The following ANKS3 variants were observed in gnomAD, a reference collection of about 807,000 sequenced individuals.
The protein encoded by ANKS3 is ankyrin repeat and SAM domain-containing protein 3.
A neutral mutation model predicts 80.7 loss-of-function variants in ANKS3; 62 were observed. The ratio of observed to expected loss-of-function variants is 0.77; its 90% CI spans 0.63 to 0.95. ANKS3 has a LOEUF of 0.95. Among genes scored for constraint, ANKS3 ranks in the 40% least tolerant of loss-of-function variants. The pLI is 0.00. For synonymous variants in ANKS3, 489 were observed against 355.3 expected, an observed-to-expected ratio of 1.38 and a Z score of -4.23; for missense variants, 1,150 against 883.6, an observed-to-expected ratio of 1.30 and a Z score of -3.82.
In ANKS3 at chr16:4,720,916, T is replaced by A. The variant is rs859330; in HGVS notation, c.573+3834A>T. ...TGCGCCACTGCACTCCAGCCAGGGC[T>A]ACAGAGCGAGACTCCATCTCAAAAC... is the stretch of plus-strand genomic sequence containing the variant. On this transcript the variant is annotated intron_variant, in intron 6 of 17. Coordinates refer to ENST00000304283, the MANE Select transcript of ANKS3 (RefSeq NM_133450.4). Among the ~76,000 whole-genome samples, 125 of 148,634 alleles carry A rather than the reference T, an allele frequency of 8.4e-4. 4 individuals are homozygous for A. The highest frequency in any genetic ancestry group is 1.5e-3 in the Non-Finnish European group (98 of 66,940).
At chr16:4,714,020 C>T (rs2080639374) in intron 7 of ANKS3, 31 bp downstream of exon 7, 1 of 1,610,990 alleles carries the variant, frequency 6.2e-7, no homozygotes, top group East Asian at 2.2e-5. Flanking sequence ...ACCAGAGACC[C>T]CAGCAGGGCG....
intron 5 of ANKS3, among the ~76,000 whole-genome samples, chr16:4,726,008 C>G (rs1305969885): frequency 7.1e-6 from 1 of 141,024 alleles, no homozygotes; most frequent in East Asian, 2.1e-4. Flanking sequence ...TGGAGTCTTG[C>G]TCTGTCACCC....
intron 6 of ANKS3, among the ~76,000 whole-genome samples, chr16:4,715,405 G>A (rs995674289): frequency 2.6e-5 from 4 of 152,214 alleles, no homozygotes; most frequent in African/African-American, 7.2e-5. Context: ...GCTCAGAGGA[G>A]GAGGCGGGAC....
rs188341379 is a variant in ANKS3 at position 4,712,303 on chromosome 16, G to A, written c.709+1748C>T. Among the ~76,000 whole-genome samples, 121 of 152,070 alleles carry A rather than the reference G, an allele frequency of 8.0e-4. 4 individuals carry two copies. In the East Asian group the frequency reaches 0.012, roughly 15 times the overall value. Reference sequence around the variant, plus strand: ...GAAGAATTGCTTGAACTCAGGAGGCGGAGGTTGCGGAGGTTGCAGTGAGCT... The same window carrying A: ...GAAGAATTGCTTGAACTCAGGAGGCAGAGGTTGCGGAGGTTGCAGTGAGCT... On this transcript the variant is annotated intron_variant, in intron 7 of 17. Transcript: ENST00000304283.
chr16:4,725,767 C>T (rs1596449585), intron 5 of ANKS3, among the ~76,000 whole-genome samples: 1 of 152,178 alleles, frequency 6.6e-6, no homozygotes, highest in East Asian at 1.9e-4. Flanking sequence ...TCAAGTGATT[C>T]TCCCGCCTCA....
intron 14 of ANKS3, 162 bp from the exon 15 acceptor site, chr16:4,698,224 G>A: frequency 4.5e-6 from 5 of 1,113,078 alleles, no homozygotes; most frequent in South Asian, 1.6e-5. Flanking sequence ...GAGCAGGAGG[G>A]CGACCGGTGC....
intron 13 of ANKS3, 22 bp from the exon 14 acceptor site, chr16:4,698,621 GGGGAGGCT>G (rs1567295001): frequency 1.9e-6 from 3 of 1,539,242 alleles, no homozygotes; most frequent in Non-Finnish European, 2.6e-6. Flanking sequence ...TGGGGGGCGC[GGGGAGGCT>G]GGGAGGTGGC....
chr16:4,703,467 C>A (rs962955199), intron 8 of ANKS3, among the ~76,000 whole-genome samples: 1 of 142,560 alleles, frequency 7.0e-6, no homozygotes, highest in Non-Finnish European at 1.5e-5. Flanking sequence ...TGTCACCAGA[C>A]TGGAGTGCAG....
chr16:4,703,302 T>C (rs1460591700), intron 8 of ANKS3, among the ~76,000 whole-genome samples: 2 of 152,136 alleles, frequency 1.3e-5, no homozygotes, highest in Non-Finnish European at 2.9e-5. Flanking sequence ...TTTGTAGAGA[T>C]AGGGTCTTGC....
chr16:4,723,124 C>A (rs1453913614), intron 6 of ANKS3, among the ~76,000 whole-genome samples: 1 of 152,106 alleles, frequency 6.6e-6, no homozygotes, highest in East Asian at 1.9e-4. Context: ...TTCATCAGGA[C>A]CGCCTGCACT....
intron 3 of ANKS3, 102 bp downstream of exon 3, chr16:4,729,878 C>G (rs906813099): frequency 1.9e-5 from 22 of 1,172,312 alleles, no homozygotes; most frequent in Non-Finnish European, 2.5e-5. Flanking sequence ...CTATTCTACA[C>G]GCATTAAACA....
intron 7 of ANKS3, among the ~76,000 whole-genome samples, chr16:4,709,122 T>C (rs1000112282): frequency 1.3e-5 from 2 of 150,722 alleles, no homozygotes; most frequent in Non-Finnish European, 3.0e-5. Context: ...TAGAAGAAAT[T>C]TTTGCCGGGT....
At chr16:4,732,205 A>G (rs974761726) in intron 1 of ANKS3, among the ~76,000 whole-genome samples, 14 of 152,164 alleles carry the variant, frequency 9.2e-5, no homozygotes, top group African/African-American at 3.1e-4. Flanking sequence ...AAGATCGTGC[A>G]GTGCCCTTCC....
intron 5 of ANKS3, 157 bp from the exon 6 acceptor site, chr16:4,724,988 T>C (rs2142144649): frequency 1.7e-6 from 1 of 593,850 alleles, no homozygotes; most frequent in East Asian, 3.0e-5. Flanking sequence ...ATGAGAACAG[T>C]GAATATAACA....
chr16:4,732,333 T>G (rs555131713), intron 1 of ANKS3, among the ~76,000 whole-genome samples: 1 of 152,250 alleles, frequency 6.6e-6, no homozygotes, highest in African/African-American at 2.4e-5. Flanking sequence ...AAGCCTTCAC[T>G]GGGCATGTCT....
intron 3 of ANKS3, 119 bp downstream of exon 3, chr16:4,729,861 G>T: frequency 9.6e-7 from 1 of 1,040,852 alleles, no homozygotes; most frequent in Non-Finnish European, 1.3e-6. Flanking sequence ...GAGATAAGCA[G>T]GTTAACCTAT....
chr16:4,715,853 C>T (rs1374580418), intron 6 of ANKS3, among the ~76,000 whole-genome samples: 1 of 150,998 alleles, frequency 6.6e-6, no homozygotes, highest in African/African-American at 2.4e-5. Flanking sequence ...TGAAGTGCAG[C>T]GGCGCCTAAG....
intron 3 of ANKS3, among the ~76,000 whole-genome samples, chr16:4,728,570 T>A (rs938096836): frequency 7.9e-5 from 12 of 152,098 alleles, no homozygotes; most frequent in African/African-American, 2.9e-4. Flanking sequence ...AGCATCTCCC[T>A]GGGGCTCTCT....
chr16:4,700,719 G>T, intron 11 of ANKS3: 1 of 638,452 alleles, frequency 1.6e-6, no homozygotes, highest in East Asian at 3.0e-5. Flanking sequence ...CCAGGCTCAG[G>T]GAGGCCAACT....
Sources: gnomAD v4.1 joint callset for allele counts (sites outside exome capture counted in the v4.1 genomes callset) on GRCh38, gnomAD v4.1.1 for gene constraint, MANE v1.5 for transcripts, NCBI Gene and HGNC (gene_info 2026-07-23, HGNC 2026-07-21) for gene names.